The following MAGI1 variants were observed in gnomAD, a reference collection of about 807,000 sequenced individuals.
MAGI1 encodes membrane associated guanylate kinase, WW and PDZ domain containing 1, also known as membrane-associated guanylate kinase, WW and PDZ domain-containing protein 1.
In MAGI1, 58 loss-of-function variants were observed where a neutral mutation model predicts 139.9. The ratio of observed to expected loss-of-function variants is 0.41; its 90% confidence interval spans 0.34 to 0.52. The LOEUF is 0.52. Ranked by LOEUF, MAGI1 falls within the 20% of genes least tolerant of loss-of-function variation. MAGI1 has a pLI of 0.12. For synonymous variants in MAGI1, 812 were observed against 737.9 expected, an observed-to-expected ratio of 1.10 and a Z score of -1.63; for missense variants, 1,874 against 1,901.6, an observed-to-expected ratio of 0.99 and a Z score of 0.27.
At chr3:65,688,718 C>T (rs960688698) in intron 1 of MAGI1, among the ~76,000 whole-genome samples, 1 of 152,164 alleles carries the variant, frequency 6.6e-6, no homozygotes, top group Non-Finnish European at 1.5e-5. Context: ...CATTCATCTA[C>T]AATGAAGGAG....
chr3:65,406,796 T>TCC (rs1215856143), intron 12 of MAGI1, among the ~76,000 whole-genome samples: 1 of 143,898 alleles, frequency 6.9e-6, no homozygotes, highest in Non-Finnish European at 1.6e-5. Flanking sequence ...GTTATAGATC[T>TCC]CTCTCTCTCT....
At chr3:65,667,769 G>A (rs1050181478) in intron 1 of MAGI1, among the ~76,000 whole-genome samples, 1 of 151,986 alleles carries the variant, frequency 6.6e-6, no homozygotes, top group Non-Finnish European at 1.5e-5. Flanking sequence ...CTGCCATGTT[G>A]CCCAGGCTGG....
chr3:65,779,712 A>G (rs1321308899), intron 1 of MAGI1, among the ~76,000 whole-genome samples: 2 of 152,216 alleles, frequency 1.3e-5, no homozygotes, highest in Non-Finnish European at 2.9e-5. Flanking sequence ...ACAGTCTAAT[A>G]GTCTAATGAA....
chr3:65,724,208 T>C (rs2033365655), intron 1 of MAGI1, among the ~76,000 whole-genome samples: 1 of 152,238 alleles, frequency 6.6e-6, no homozygotes, highest in Admixed American at 6.5e-5. Flanking sequence ...AAAATTATAA[T>C]GTAGTCATGG....
intron 1 of MAGI1, among the ~76,000 whole-genome samples, chr3:65,742,551 T>C (rs1487540002): frequency 6.6e-6 from 1 of 152,208 alleles, no homozygotes; most frequent in Non-Finnish European, 1.5e-5. Context: ...CAGTCGCTTT[T>C]CCCAGAATTC....
intron 2 of MAGI1, among the ~76,000 whole-genome samples, chr3:65,587,417 G>T (rs970374047): frequency 1.3e-5 from 2 of 150,740 alleles, no homozygotes; most frequent in African/African-American, 2.4e-5. Flanking sequence ...GATACTCGAA[G>T]TATGGTGTCT....
At chr3:65,463,329 T>A (rs1949944230) in intron 5 of MAGI1, among the ~76,000 whole-genome samples, 1 of 152,160 alleles carries the variant, frequency 6.6e-6, no homozygotes. Flanking sequence ...TGAATATTAT[T>A]GAAGGCCTTT....
At chr3:65,635,063 C>G (rs10428095) in intron 1 of MAGI1, among the ~76,000 whole-genome samples, 360 of 151,406 alleles carry the variant, frequency 2.4e-3, no homozygotes, top group African/African-American at 8.2e-3. Context: ...TGGAAACTTT[C>G]AAAGTAAAAA....
At chr3:65,516,944 G>C (rs952882760) in intron 2 of MAGI1, among the ~76,000 whole-genome samples, 3 of 150,976 alleles carry the variant, frequency 2.0e-5, no homozygotes, top group African/African-American at 7.3e-5. Context: ...TAGCCGGGAT[G>C]GTCTCGATCT....
intron 2 of MAGI1, among the ~76,000 whole-genome samples, chr3:65,554,888 C>A (rs2080013344): frequency 6.6e-6 from 1 of 152,160 alleles, no homozygotes; most frequent in African/African-American, 2.4e-5. Flanking sequence ...ATGTGAGACA[C>A]TGGTTTGGAT....
intron 1 of MAGI1, among the ~76,000 whole-genome samples, chr3:65,689,089 A>C (rs1015672506): frequency 2.6e-5 from 4 of 152,176 alleles, no homozygotes; most frequent in Non-Finnish European, 5.9e-5. Flanking sequence ...GCAACTTGAC[A>C]CTCACAAATG....
rs943695945 is a variant in MAGI1 at position 65,967,389 on chromosome 3, G to A, written c.313+70607C>T. ...GAGTGTCATCTCCTCCTCAAAGATG[G>A]AAGCGTACTGAAAAAAAAGGTTACG... On this transcript the variant is annotated intron_variant, in intron 1 of 22. Transcript: ENST00000402939. 2.0e-5 allele frequency among the ~76,000 whole-genome samples: 3 copies of A among 152,274 alleles called. 1 individual carries two copies.
intron 2 of MAGI1, among the ~76,000 whole-genome samples, chr3:65,572,513 G>A (rs922625562): frequency 6.6e-6 from 1 of 152,100 alleles, no homozygotes. Flanking sequence ...GCATCACAGG[G>A]TCACAGACAT....
At chr3:65,550,630 C>T (rs563102405) in intron 2 of MAGI1, among the ~76,000 whole-genome samples, 1 of 152,206 alleles carries the variant, frequency 6.6e-6, no homozygotes, top group East Asian at 1.9e-4. Flanking sequence ...GGGATTGGCC[C>T]CCAGCATGCT....
chr3:65,782,735 G>A (rs2039039609), intron 1 of MAGI1, among the ~76,000 whole-genome samples: 1 of 149,906 alleles, frequency 6.7e-6, no homozygotes, highest in Non-Finnish European at 1.5e-5. Flanking sequence ...GTTTTCAGGT[G>A]TAATACCTAC....
chr3:65,549,470 C>G, intron 2 of MAGI1: 1 of 985,064 alleles, frequency 1.0e-6, no homozygotes, highest in Non-Finnish European at 1.2e-6. Context: ...GGCGCGCGCT[C>G]GGTGGCCGCC....
chr3:65,630,945 G>A lies in MAGI1; in HGVS notation c.314-8857C>T, dbSNP rs137856011. Among the ~76,000 whole-genome samples, 1,502 of 152,346 alleles carry A rather than the reference G, an allele frequency of 9.9e-3. 9 individuals carry two copies. Among genetic ancestry groups the A allele is most frequent in the Non-Finnish European group, 0.017 (1,128 of 68,030 alleles). Reference sequence around the variant, plus strand: ...ATAAAGAGCTTGCATTTTATTCTACGTGTGTAACAATGCACTGAGAGGATT... The same window carrying A: ...ATAAAGAGCTTGCATTTTATTCTACATGTGTAACAATGCACTGAGAGGATT... On this transcript the variant is annotated intron_variant, in intron 1 of 22. Coordinates refer to ENST00000402939, the MANE Select transcript of MAGI1 (RefSeq NM_001033057.2).
chr3:65,808,166 G>A (rs1182848706), intron 1 of MAGI1, among the ~76,000 whole-genome samples: 2 of 151,806 alleles, frequency 1.3e-5, no homozygotes, highest in African/African-American at 4.8e-5. Flanking sequence ...TGTATTTTTA[G>A]TAGAGACACG....
chr3:65,880,572 T>C (rs1241908175), intron 1 of MAGI1, among the ~76,000 whole-genome samples: 1 of 152,092 alleles, frequency 6.6e-6, no homozygotes, highest in Non-Finnish European at 1.5e-5. Context: ...AATATCTTTA[T>C]GACAGATGAG....
Sources: gnomAD v4.1 joint callset for allele counts (sites outside exome capture counted in the v4.1 genomes callset) on GRCh38, gnomAD v4.1.1 for gene constraint, MANE v1.5 for transcripts, NCBI Gene and HGNC (gene_info 2026-07-23, HGNC 2026-07-21) for gene names.